Variants in CFTR observed in about 807,000 individuals in gnomAD.
CFTR encodes CF transmembrane conductance regulator.
In CFTR, 181 loss-of-function variants were observed where a neutral mutation model predicts 171.6. That is an observed-to-expected ratio of 1.05 (90% CI 0.93 to 1.19). CFTR has a LOEUF of 1.19. CFTR is among the 50% of genes most tolerant of loss of function. The pLI is 0.00. For synonymous variants in CFTR, 583 were observed against 608.0 expected (o/e 0.96, Z 0.60); for missense variants, 1,968 against 1,734.7 (o/e 1.13, Z -2.39).
At chr7:117,619,055 G>C (rs1407550023) in intron 21 of CFTR, among the ~76,000 whole-genome samples, 1 of 152,058 alleles carries the variant, frequency 6.6e-6, no homozygotes, top group Non-Finnish European at 1.5e-5. Context: ...CCATTCTATA[G>C]ATGGGGTGAA....
chr7:117,635,399 T>G (rs1368399270), intron 22 of CFTR, among the ~76,000 whole-genome samples: 4 of 151,932 alleles, frequency 2.6e-5, no homozygotes, highest in Non-Finnish European at 5.9e-5. Flanking sequence ...ACTTTGACAA[T>G]CTTTGTCTTT....
At chr7:117,600,881 A>G (rs1006754724) in intron 15 of CFTR, among the ~76,000 whole-genome samples, 3 of 152,072 alleles carry the variant, frequency 2.0e-5, no homozygotes, top group African/African-American at 7.2e-5. Flanking sequence ...GCTTCTATAT[A>G]CACCAAATAT....
chr7:117,608,883 T>A (rs1043551262), intron 18 of CFTR, among the ~76,000 whole-genome samples: 1 of 152,178 alleles, frequency 6.6e-6, no homozygotes, highest in African/African-American at 2.4e-5. Context: ...TTTTCTATTA[T>A]TTTTCTCTTT....
intron 7 of CFTR, 71 bp downstream of exon 7, chr7:117,536,744 G>C: frequency 1.6e-6 from 2 of 1,269,464 alleles, no homozygotes; most frequent in Non-Finnish European, 2.3e-6. Context: ...TGTTTATCAT[G>C]GTAGACTTCC....
chr7:117,512,663 G>T (rs924652846), intron 3 of CFTR, among the ~76,000 whole-genome samples: 2 of 148,562 alleles, frequency 1.3e-5, no homozygotes, highest in African/African-American at 5.0e-5. Flanking sequence ...AAGACTCCTA[G>T]CATGGAAGAG....
At chr7:117,511,703 C>T (rs1230866940) in intron 3 of CFTR, among the ~76,000 whole-genome samples, 1 of 152,186 alleles carries the variant, frequency 6.6e-6, no homozygotes, top group Non-Finnish European at 1.5e-5. Context: ...AGAGAAAAAA[C>T]CACGCTGACA....
intron 1 of CFTR, among the ~76,000 whole-genome samples, chr7:117,503,103 C>T (rs1798357964): frequency 6.6e-6 from 1 of 152,204 alleles, no homozygotes; most frequent in Non-Finnish European, 1.5e-5. Context: ...TTGCATTTGG[C>T]ATAGCCCTTT....
At chr7:117,564,426 C>G (rs1381875745) in intron 11 of CFTR, 1 of 152,390 alleles carries the variant, frequency 6.6e-6, no homozygotes, top group African/African-American at 2.4e-5. Context: ...AATAAGAATT[C>G]AATACAGTAT....
rs397508549 is a variant in CFTR, at chr7:117,614,627, A to T, written c.3382A>T (p.Arg1128Ter). The T allele has an allele frequency of 6.2e-7, 1 of 1,609,324 alleles. No individual in the cohort carries two copies. The highest frequency in any genetic ancestry group is 8.5e-7 in the Non-Finnish European group (1 of 1,175,920). ...SILTTGEGEG[R>*]VGIILTLAMN... Reference sequence around the variant, plus strand: ...TGCATCTATAGGAGAAGGAGAAGGAAGAGTTGGTATTATCCTGACTTTAGC... The same window carrying T: ...TGCATCTATAGGAGAAGGAGAAGGATGAGTTGGTATTATCCTGACTTTAGC... The change falls in exon 21 of 27, where the codon AGA becomes TGA. Residue 1128 changes from arginine (R) to a stop codon, truncating the protein, a stop_gained. Transcript: ENST00000003084. LOFTEE classifies it high-confidence loss of function.
intron 1 of CFTR, among the ~76,000 whole-genome samples, chr7:117,498,499 G>T (rs147845678): frequency 3.2e-4 from 48 of 152,262 alleles, no homozygotes; most frequent in African/African-American, 1.1e-3. Context: ...TTTTACACAG[G>T]ACTTTAGAGA....
intron 11 of CFTR, among the ~76,000 whole-genome samples, chr7:117,573,036 TTCTCTC>T (rs146811028): frequency 1.4e-5 from 2 of 144,260 alleles, no homozygotes; most frequent in Admixed American, 1.4e-4. Flanking sequence ...ACTCCACCCT[TTCTCTC>T]TCTCTCTCTC....
rs1468189806 is a variant in CFTR, at chr7:117,509,037, A to T, written c.168A>T (p.Glu56Asp). 1 of 1,596,890 alleles carries T rather than the reference A, an allele frequency of 6.3e-7. No individual in the cohort carries two copies. Among genetic ancestry groups the T allele is most frequent in the Non-Finnish European group, 8.6e-7 (1 of 1,164,720 alleles). The change falls in exon 3 of 27, where the codon GAA becomes GAT. Residue 56 changes from glutamate to aspartate, a missense_variant. Glu to Asp is a conservative substitution (Grantham distance 45). Transcript: ENST00000003084. Reference sequence around the variant, plus strand: ...CCCACTTTTTATTCTTTTGCAGAGAATGGGATAGAGAGCTGGCTTCAAAGA... The same window carrying T: ...CCCACTTTTTATTCTTTTGCAGAGATTGGGATAGAGAGCTGGCTTCAAAGA... ...ADNLSEKLER[E>D]WDRELASKKN...
At chr7:117,522,206 G>A (rs987828617) in intron 3 of CFTR, among the ~76,000 whole-genome samples, 3 of 152,150 alleles carry the variant, frequency 2.0e-5, no homozygotes, top group African/African-American at 7.2e-5. Context: ...ATCCTTCTGA[G>A]TAGAAAACAG....
At chr7:117,546,668 T>C (rs928740594) in intron 9 of CFTR, among the ~76,000 whole-genome samples, 1 of 152,208 alleles carries the variant, frequency 6.6e-6, no homozygotes. Context: ...CTGGTACAAG[T>C]GCTTATTGGA....
At position 117,536,642 on chromosome 7, in the gene CFTR, G is replaced by T. The variant is rs749377803; in HGVS notation, c.838G>T (p.Ala280Ser). 6 of 1,611,688 alleles carry T rather than the reference G, an allele frequency of 3.7e-6. No homozygotes were observed. The South Asian group carries it at 5.5e-5, about 15-fold the overall frequency. ...QSVKAYCWEE[A>S]MEKMIENLRQ... The stretch of plus-strand genomic sequence containing the variant: ...TGTTAAGGCATACTGCTGGGAAGAA[G>T]CAATGGAAAAAATGATTGAAAACTT... The change falls in exon 7 of 27, where the codon GCA (alanine) becomes TCA (serine). Residue 280 changes from alanine (A) to serine (S), a missense_variant. By Grantham distance (99) the Ala-to-Ser change is moderately conservative. Coordinates refer to ENST00000003084, the MANE Select transcript of CFTR (RefSeq NM_000492.4).
intron 3 of CFTR, among the ~76,000 whole-genome samples, chr7:117,520,933 T>C (rs1232689347): frequency 6.6e-6 from 1 of 151,972 alleles, no homozygotes; most frequent in Non-Finnish European, 1.5e-5. Context: ...GCACTAATCT[T>C]ATAAAATAAC....
At chr7:117,544,374 T>C (rs1253578746) in intron 9 of CFTR, among the ~76,000 whole-genome samples, 2 of 152,208 alleles carry the variant, frequency 1.3e-5, no homozygotes, top group East Asian at 3.9e-4. Flanking sequence ...CTAAAGGCTA[T>C]TCCAGATTTT....
chr7:117,610,456 C>T lies in CFTR; in HGVS notation c.2989-63C>T, dbSNP rs1278823084. 2.2e-6 allele frequency: 3 copies of T among 1,361,440 alleles called. No individual in the cohort carries two copies. In the African/African-American group the frequency reaches 4.3e-5, roughly 20 times the overall value. The allele number at this position is 1,361,440 out of a possible 1,614,324, so 84.3% of individuals were successfully genotyped here. A position where few individuals can be genotyped will look rare whatever the true frequency, so the allele number is the denominator to read the frequency against. On this transcript the variant is annotated intron_variant, in intron 18 of 26. Coordinates refer to ENST00000003084, the MANE Select transcript of CFTR (RefSeq NM_000492.4). ...AAAAAAAAGAAATAAATCACTGACA[C>T]ACTTTGTCCACTTTGCAATGTGAAA...
At chr7:117,543,212 T>G (rs1434874244) in intron 9 of CFTR, among the ~76,000 whole-genome samples, 2 of 152,232 alleles carry the variant, frequency 1.3e-5, no homozygotes, top group Non-Finnish European at 2.9e-5. Context: ...TTCATTGATA[T>G]AAGTAACTTG....
Sources: gnomAD v4.1 joint callset for allele counts (sites outside exome capture counted in the v4.1 genomes callset) on GRCh38, gnomAD v4.1.1 for gene constraint, MANE v1.5 for transcripts, NCBI Gene and HGNC (gene_info 2026-07-23, HGNC 2026-07-21) for gene names.